ATP11B: variants seen among roughly 807,000 people sequenced by gnomAD.
ATP11B encodes the protein ATPase phospholipid transporting 11B (putative).
Under a neutral mutation model 157.8 loss-of-function variants are expected in ATP11B, and 81 were observed. The ratio of observed to expected loss-of-function variants is 0.51; its 90% CI spans 0.43 to 0.62. The LOEUF (loss-of-function observed/expected upper bound fraction) is 0.62. ATP11B is among the 20% of genes least tolerant of loss of function. ATP11B has a pLI of 0.00. For synonymous variants in ATP11B, 451 were observed against 469.4 expected, an observed-to-expected ratio of 0.96 and a Z score of 0.51; for missense variants, 1,165 against 1,402.2, an observed-to-expected ratio of 0.83 and a Z score of 2.70.
intron 29 of ATP11B, chr3:182,916,335 A>G (rs1213934114): frequency 5.5e-5 from 54 of 985,274 alleles, no homozygotes; most frequent in Non-Finnish European, 6.4e-5. Context: ...TTCCATTGAC[A>G]TAGTAAAGTC....
chr3:182,915,795 G>T (rs1463326198), intron 29 of ATP11B: 1 of 983,554 alleles, frequency 1.0e-6, no homozygotes, highest in African/African-American at 1.8e-5. Flanking sequence ...ACTTTTACAT[G>T]TTCTCTTGAA....
intron 10 of ATP11B, among the ~76,000 whole-genome samples, chr3:182,856,294 T>C (rs1351479670): frequency 6.6e-6 from 1 of 152,148 alleles, no homozygotes; most frequent in Non-Finnish European, 1.5e-5. Flanking sequence ...AGTTTTAAAT[T>C]TAAATAAGGG....
chr3:182,820,668 CAAA>C (rs572679394), intron 2 of ATP11B, among the ~76,000 whole-genome samples: 2 of 143,184 alleles, frequency 1.4e-5, no homozygotes, highest in African/African-American at 5.2e-5. Context: ...GACCATGTCT[CAAA>C]AAAAAAAATT....
In ATP11B at chr3:182,837,078, T is replaced by A; in HGVS notation, c.560T>A (p.Val187Glu). 1 of 1,611,970 alleles carries A rather than the reference T, an allele frequency of 6.2e-7. No individual in the cohort carries two copies. The highest frequency in any genetic ancestry group is 8.5e-7 in the Non-Finnish European group (1 of 1,178,644). Residue 187 changes from valine (V) to glutamate (E), a missense_variant, in exon 7 of 30, where the codon GTG becomes GAG. Physicochemically the swap from Val to Glu is moderately radical, Grantham distance 121 (BLOSUM62 -2). Around this residue, in one of 4 missense-constraint regions of ATP11B, gnomAD observed 737 missense variants for 930.5 expected, o/e 0.79. Coordinates refer to ENST00000323116, the MANE Select transcript of ATP11B (RefSeq NM_014616.3). ...LDGETNLKTH[V>E]AVPETALLQT... ...TTAATTCATTTTTTTCAGACACATG[T>A]GGCAGTTCCAGAAACAGCATTATTA...
intron 12 of ATP11B, among the ~76,000 whole-genome samples, chr3:182,862,984 C>T (rs752738086): frequency 6.6e-5 from 10 of 151,870 alleles, no homozygotes; most frequent in Non-Finnish European, 1.0e-4. Context: ...GGTGCAATCT[C>T]GGCTCACTGC....
chr3:182,849,464 T>A (rs1057384089), intron 10 of ATP11B, among the ~76,000 whole-genome samples: 14 of 152,196 alleles, frequency 9.2e-5, no homozygotes, highest in Non-Finnish European at 2.9e-5. Context: ...TCCAAAATGA[T>A]CCAGATCTTG....
At chr3:182,907,565 T>C (rs1308804445) in intron 28 of ATP11B, among the ~76,000 whole-genome samples, 1 of 152,234 alleles carries the variant, frequency 6.6e-6, no homozygotes, top group Non-Finnish European at 1.5e-5. Context: ...TTTGGTATGC[T>C]TCATATGATT....
At chr3:182,902,785 G>A (rs1724057839) in intron 28 of ATP11B, among the ~76,000 whole-genome samples, 1 of 151,604 alleles carries the variant, frequency 6.6e-6, no homozygotes, top group Non-Finnish European at 1.5e-5. Context: ...AATTCAACGT[G>A]ATCACAGAAC....
chr3:182,913,000 C>T (rs1268464286), intron 28 of ATP11B, among the ~76,000 whole-genome samples: 4 of 152,124 alleles, frequency 2.6e-5, no homozygotes, highest in African/African-American at 9.7e-5. Context: ...GTCATACCAT[C>T]TTTCCCCCTC....
intron 12 of ATP11B, among the ~76,000 whole-genome samples, chr3:182,860,377 C>T (rs1720742799): frequency 6.6e-6 from 1 of 152,136 alleles, no homozygotes; most frequent in Non-Finnish European, 1.5e-5. Context: ...TTCTGATTCC[C>T]AATTCTTTAT....
At chr3:182,848,159 C>G (rs907957671) in intron 9 of ATP11B, among the ~76,000 whole-genome samples, 3 of 152,166 alleles carry the variant, frequency 2.0e-5, no homozygotes, top group African/African-American at 7.2e-5. Context: ...TTTGTAATGG[C>G]CTTCCCTGAC....
chr3:182,868,605 G>A (rs1303263220), intron 15 of ATP11B, among the ~76,000 whole-genome samples: 6 of 151,986 alleles, frequency 3.9e-5, no homozygotes, highest in Admixed American at 3.3e-4. Flanking sequence ...CTGCTATAAT[G>A]AGCCTTTGAT....
chr3:182,888,593 T>C (rs1343212401), intron 24 of ATP11B, among the ~76,000 whole-genome samples: 1 of 152,204 alleles, frequency 6.6e-6, no homozygotes, highest in Non-Finnish European at 1.5e-5. Context: ...AGATCGTAGC[T>C]CACTGCAGCC....
In ATP11B at chr3:182,895,112, CAAAAAAAAAAA is replaced by C. The variant is rs368282275; in HGVS notation, c.2983-1574_2983-1564del. ...TGGGTGACAGATGGAGACCCTGACT[CAAAAAAAAAAA>C]AAAAAAAAAAAAAGGAAAGTATCTG... is the stretch of plus-strand genomic sequence containing the variant. On this transcript the variant is annotated intron_variant, in intron 25 of 29. Coordinates refer to ENST00000323116, the MANE Select transcript of ATP11B (RefSeq NM_014616.3). Among the ~76,000 whole-genome samples the C allele has an allele frequency of 4.4e-5, 3 of 68,270 alleles. 1 individual carries two copies. Among genetic ancestry groups the C allele is most frequent in the South Asian group, 1.1e-3 (2 of 1,820 alleles). 44.8% of individuals were successfully genotyped at this position (68,270 alleles called of 152,430 possible).
At chr3:182,804,307 G>A (rs767438518) in intron 1 of ATP11B, among the ~76,000 whole-genome samples, 1 of 150,720 alleles carries the variant, frequency 6.6e-6, no homozygotes, top group African/African-American at 2.4e-5. Flanking sequence ...GTGCAGTGGC[G>A]TGATCTTGGC....
At chr3:182,894,621 A>G (rs1400017454) in intron 25 of ATP11B, among the ~76,000 whole-genome samples, 1 of 152,230 alleles carries the variant, frequency 6.6e-6, no homozygotes, top group Admixed American at 6.5e-5. Flanking sequence ...ATTACTTCGT[A>G]TAATTTTACC....
Position 182,793,734 on chromosome 3 carries a change from G to A in ATP11B, c.-26G>A. 7.1e-7 allele frequency: 1 copy of A among 1,405,292 alleles called. No homozygotes were observed. The highest frequency in any genetic ancestry group is 1.4e-5 in the South Asian group (1 of 71,696). 87.1% of individuals were successfully genotyped at this position (1,405,292 alleles called of 1,614,324 possible). ...CAGCCCCGCGGCCCCCGCGCCCCGC[G>A]GGACCCGGACGGCGACGACGGGGGA... On this transcript the variant is annotated 5_prime_UTR_variant, in exon 1 of 30. Coordinates refer to ENST00000323116, the MANE Select transcript of ATP11B (RefSeq NM_014616.3).
At chr3:182,817,865 T>G (rs909578332) in intron 1 of ATP11B, among the ~76,000 whole-genome samples, 8 of 152,192 alleles carry the variant, frequency 5.3e-5, no homozygotes, top group African/African-American at 1.9e-4. Context: ...AAAATTAAAC[T>G]TTTCTTTAAG....
chr3:182,867,484 G>A (rs773977143), intron 15 of ATP11B, 40 bp downstream of exon 15: 3 of 1,307,006 alleles, frequency 2.3e-6, no homozygotes, highest in African/African-American at 1.5e-5. Flanking sequence ...TCTGTGTTAA[G>A]TGTATATAGT....
Sources: allele counts gnomAD v4.1 joint callset (sites outside exome capture counted in the v4.1 genomes callset), GRCh38; gene constraint gnomAD v4.1.1; regional missense constraint gnomAD v4.1.1; transcripts MANE v1.5; gene names NCBI Gene and HGNC (gene_info 2026-07-23, HGNC 2026-07-21).